Variants in MEGF6 observed in about 807,000 individuals in gnomAD.
MEGF6 encodes the protein multiple epidermal growth factor-like domains protein 6.
In MEGF6, 184 loss-of-function variants were observed where a neutral mutation model predicts 207.1. The ratio of observed to expected loss-of-function variants is 0.89; its 90% CI spans 0.79 to 1.00. The LOEUF (loss-of-function observed/expected upper bound fraction) is 1.00. Ranked by LOEUF, MEGF6 falls within the 50% of genes least tolerant of loss-of-function variation. The pLI is 0.00. For synonymous variants in MEGF6, 1,038 were observed against 910.0 expected (o/e 1.14, Z -2.53); for missense variants, 2,282 against 2,202.9 (o/e 1.04, Z -0.72).
At chr1:3,592,880 G>A (rs1644002378) in intron 3 of MEGF6, among the ~76,000 whole-genome samples, 1 of 152,236 alleles carries the variant, frequency 6.6e-6, no homozygotes, top group Admixed American at 6.5e-5. Context: ...CAAAGCTCAA[G>A]TCCAGGATCT....
chr1:3,594,507 G>A lies in MEGF6; in HGVS notation c.376+831C>T, dbSNP rs1006078130. 3.9e-5 allele frequency among the ~76,000 whole-genome samples: 6 copies of A among 152,220 alleles called. No homozygotes were observed. The highest frequency in any genetic ancestry group is 1.4e-4 in the African/African-American group (6 of 41,452). The stretch of plus-strand genomic sequence containing the variant: ...CCGGCCACACTCCACGGCGCAGCCT[G>A]TCCCTCACTGGCAGGATGCCACCTC... On this transcript the variant is annotated intron_variant, in intron 3 of 36. Transcript: ENST00000356575. The surrounding 1 kb of genome is among the most constrained non-coding windows in gnomAD (Gnocchi z 4.2).
chr1:3,498,921 C>G (rs971389684), intron 24 of MEGF6, 95 bp from the exon 25 acceptor site: 1 of 1,490,324 alleles, frequency 6.7e-7, no homozygotes, highest in African/African-American at 1.4e-5. Context: ...ACTTTGGGGT[C>G]AGGCACCTTG....
In MEGF6 at chr1:3,565,834, C is replaced by T. The variant is rs1222967496; in HGVS notation, c.481+13991G>A. Among the ~76,000 whole-genome samples, 2 of 152,170 alleles carry T rather than the reference C, an allele frequency of 1.3e-5. No homozygotes were observed. Among genetic ancestry groups the T allele is most frequent in the South Asian group, 2.1e-4 (1 of 4,828 alleles). Reference sequence around the variant, plus strand: ...CTTCCAACTCTGCTCCAGCCACGCTCGGCATTCCGTCCAGGGCAGGCACTG... The same window carrying T: ...CTTCCAACTCTGCTCCAGCCACGCTTGGCATTCCGTCCAGGGCAGGCACTG... On this transcript the variant is annotated intron_variant, in intron 4 of 36. Coordinates refer to ENST00000356575, the MANE Select transcript of MEGF6 (RefSeq NM_001409.4). The surrounding 1 kb of genome is among the most constrained non-coding windows in gnomAD (Gnocchi z 4.8).
At chr1:3,508,522 C>A (rs1641203518) in intron 13 of MEGF6, 36 bp downstream of exon 13, 1 of 1,599,196 alleles carries the variant, frequency 6.3e-7, no homozygotes, top group African/African-American at 1.3e-5. Context: ...CTCAGAGGCC[C>A]CTTCCCAGCC....
At chr1:3,529,611 G>A (rs1327291238) in intron 4 of MEGF6, among the ~76,000 whole-genome samples, 3 of 152,222 alleles carry the variant, frequency 2.0e-5, no homozygotes, top group Non-Finnish European at 2.9e-5. Context: ...GGCACACAGC[G>A]ACACGGCTGT....
chr1:3,589,098 T>C (rs1006443012), intron 3 of MEGF6, among the ~76,000 whole-genome samples: 2 of 152,070 alleles, frequency 1.3e-5, no homozygotes, highest in South Asian at 2.1e-4. Flanking sequence ...CTAGGGCCTA[T>C]AGAAAAGGCC....
chr1:3,596,544 C>A (rs1438964661), intron 2 of MEGF6, among the ~76,000 whole-genome samples: 2 of 115,338 alleles, frequency 1.7e-5, no homozygotes, highest in African/African-American at 3.3e-5. Context: ...ATCCCCTGCC[C>A]AGCCCCCGTC....
chr1:3,529,705 A>T (rs537795153), intron 4 of MEGF6, among the ~76,000 whole-genome samples: 2 of 152,220 alleles, frequency 1.3e-5, no homozygotes, highest in African/African-American at 2.4e-5. Context: ...CAGGGAGCCC[A>T]TGGGGCCCCC....
At chr1:3,571,229 G>C (rs1238066940) in intron 4 of MEGF6, among the ~76,000 whole-genome samples, 1 of 152,128 alleles carries the variant, frequency 6.6e-6, no homozygotes, top group African/African-American at 2.4e-5. Flanking sequence ...CTGGAACCCA[G>C]AACAGCCAGG....
intron 26 of MEGF6, 103 bp downstream of exon 26, chr1:3,498,267 TG>T: frequency 7.2e-7 from 1 of 1,391,194 alleles, no homozygotes; most frequent in Non-Finnish European, 9.5e-7. Context: ...ACAGGTCCCC[TG>T]GTGAGGCCCC....
Position 3,490,412 on chromosome 1 carries a change from A to G in MEGF6, c.*116T>C. The G allele has an allele frequency of 8.5e-7, 1 of 1,180,352 alleles. No individual in the cohort carries two copies. The highest frequency in any genetic ancestry group is 2.4e-5 in the Admixed American group (1 of 40,910). 73.1% of individuals were successfully genotyped at this position (1,180,352 alleles called of 1,614,324 possible). A position where few individuals can be genotyped will look rare whatever the true frequency, so the allele number is the denominator to read the frequency against. On this transcript the variant is annotated 3_prime_UTR_variant, in exon 37 of 37. Coordinates refer to ENST00000356575, the MANE Select transcript of MEGF6 (RefSeq NM_001409.4). The stretch of plus-strand genomic sequence containing the variant: ...TGTCCACAGCCCTCCACGGCCCTCA[A>G]AGGAAGGGCAGTACCAGGAGCTCTG...
chr1:3,513,205 G>GTTTA (rs373887857), intron 7 of MEGF6, among the ~76,000 whole-genome samples: 3,626 of 151,936 alleles, frequency 0.024, 151 homozygotes, highest in African/African-American at 0.084. Context: ...TATTTTACTT[G>GTTTA]TTTATTTATT....
At chr1:3,548,300 C>T (rs1291130774) in intron 4 of MEGF6, among the ~76,000 whole-genome samples, 2 of 152,240 alleles carry the variant, frequency 1.3e-5, no homozygotes, top group Non-Finnish European at 2.9e-5. Context: ...TCTCTCTGCA[C>T]CTCCTCAGGA....
In MEGF6 at chr1:3,510,917, C is replaced by T. The variant is rs1396388518; in HGVS notation, c.1115-15G>A. ...GTCGTCGACATCTGTGGAGCACACG[C>T]CACGGGCCCCCTGGTACCAGGCACC... On this transcript the variant is annotated splice_polypyrimidine_tract_variant and intron_variant, in intron 9 of 36. Transcript: ENST00000356575. 1 of 1,591,194 alleles carries T rather than the reference C, an allele frequency of 6.3e-7. No individual in the cohort carries two copies. The highest frequency in any genetic ancestry group is 1.3e-5 in the African/African-American group (1 of 74,680).
intron 1 of MEGF6, among the ~76,000 whole-genome samples, chr1:3,606,468 CA>C (rs1239629927): frequency 6.6e-6 from 1 of 152,246 alleles, no homozygotes; most frequent in Admixed American, 6.5e-5. Flanking sequence ...TTAAGACGCG[CA>C]GGTTACTGAA....
At chr1:3,510,991 C>G (rs1441681332) in intron 9 of MEGF6, 89 bp from the exon 10 acceptor site, 2 of 1,508,812 alleles carry the variant, frequency 1.3e-6, no homozygotes, top group African/African-American at 2.8e-5. Flanking sequence ...CGACCACACA[C>G]AACCCACGCG....
the MEGF6 span, among the ~76,000 whole-genome samples, chr1:3,621,525 A>G: frequency 6.6e-6 from 1 of 152,246 alleles, no homozygotes; most frequent in Admixed American, 6.5e-5. Flanking sequence ...ATATTTACAT[A>G]TAATCATATC....
At chr1:3,587,881 AGTGGC>A (rs1643914246) in intron 3 of MEGF6, among the ~76,000 whole-genome samples, 1 of 115,704 alleles carries the variant, frequency 8.6e-6, no homozygotes, top group African/African-American at 3.2e-5. Context: ...AGTGGCCAGG[AGTGGC>A]CAGGAGGGGG....
At position 3,531,398 on chromosome 1, in the gene MEGF6, C is replaced by A. The variant is rs1472841104; in HGVS notation, c.482-7152G>T. 3.5e-6 allele frequency: 4 copies of A among 1,154,642 alleles called. No homozygotes were observed. The Admixed American group carries it at 1.4e-4, about 41-fold the overall frequency. The allele number at this position is 1,154,642 out of a possible 1,614,324, so 71.5% of individuals were successfully genotyped here. ...CGGGATCCGCTCCGCTCGGCGCCGC[C>A]CGGGAGCCGCTCTGGGCCGGGCGCG... is the stretch of plus-strand genomic sequence containing the variant. On this transcript the variant is annotated intron_variant, in intron 4 of 36. Transcript: ENST00000356575.
Sources: allele counts gnomAD v4.1 joint callset (sites outside exome capture counted in the v4.1 genomes callset), GRCh38; gene constraint gnomAD v4.1.1; non-coding constraint Gnocchi (gnomAD v3.1); transcripts MANE v1.5; gene names NCBI Gene and HGNC (gene_info 2026-07-23, HGNC 2026-07-21).